ITFG2: variants seen among roughly 807,000 people sequenced by gnomAD.
ITFG2 encodes KICSTOR complex protein ITFG2.
Under a neutral mutation model 54.4 loss-of-function variants are expected in ITFG2, and 36 were observed. That is an observed-to-expected ratio of 0.66 (90% CI 0.51 to 0.87). ITFG2 has a LOEUF of 0.87. ITFG2 is among the 40% of genes least tolerant of loss of function. The pLI is 0.00. For synonymous variants in ITFG2, 211 were observed against 225.4 expected (o/e 0.94, Z 0.57); for missense variants, 524 against 576.7 (o/e 0.91, Z 0.94).
At chr12:2,815,700 G>T (rs1237345424) in intron 1 of ITFG2, among the ~76,000 whole-genome samples, 1 of 152,210 alleles carries the variant, frequency 6.6e-6, no homozygotes, top group Non-Finnish European at 1.5e-5. Flanking sequence ...AAGAGCCAAA[G>T]TCAGGCATGT....
At chr12:2,822,373 C>G (rs901199454) in intron 9 of ITFG2, among the ~76,000 whole-genome samples, 3 of 152,184 alleles carry the variant, frequency 2.0e-5, no homozygotes, top group Admixed American at 1.3e-4. Flanking sequence ...CTGTAAGAGC[C>G]TGGAAGTGTG....
chr12:2,842,890 A>T (rs2153927313), intron 2 of ITFG2, among the ~76,000 whole-genome samples: 1 of 152,152 alleles, frequency 6.6e-6, no homozygotes, highest in East Asian at 1.9e-4. Flanking sequence ...TGGTGGCTAT[A>T]TTCAAAGTTC....
At position 2,858,924 on chromosome 12, in the gene ITFG2, G is replaced by T. The variant is rs28919869; in HGVS notation, n.620+593G>T. The T allele has an allele frequency of 1.1e-4, 172 of 1,613,814 alleles. 1 individual carries two copies. The highest frequency in any genetic ancestry group is 3.9e-4 in the African/African-American group (29 of 75,018). On this transcript the variant is annotated intron_variant and non_coding_transcript_variant, in intron 3 of 3. Coordinates refer to the ITFG2 transcript ENST00000537710. ...GAGGAGCCTTTGCGGTGATTCAAGG[G>T]GGGGAGCACTTTGCAAGGGAGTGGT...
chr12:2,857,816 T>C, intron 2 of ITFG2: 1 of 152,368 alleles, frequency 6.6e-6, no homozygotes. Flanking sequence ...AGGGGCCCTT[T>C]CGGCCTTCTC....
At chr12:2,827,215 C>G, downstream of ITFG2, 1 of 1,614,154 alleles carries the variant, frequency 6.2e-7, no homozygotes, top group Non-Finnish European at 8.5e-7. The surrounding 1 kb of genome is among the most constrained non-coding windows in gnomAD (Gnocchi z 4.0). Context: ...AGTCACTGGC[C>G]AGGCTCTTGG....
At position 2,812,708 on chromosome 12, in the gene ITFG2, G is replaced by A; in HGVS notation, c.-53G>A. ...CCGCTCTGGCGGCTGTCGCGACGGGGGTTCAGGGAATATTTACTGGGCCTC... is the reference window on the plus strand; with the variant it reads ...CCGCTCTGGCGGCTGTCGCGACGGGAGTTCAGGGAATATTTACTGGGCCTC... On this transcript the variant is annotated 5_prime_UTR_variant, in exon 1 of 12. Coordinates refer to ENST00000228799, the MANE Select transcript of ITFG2 (RefSeq NM_018463.4). 6.6e-7 allele frequency: 1 copy of A among 1,508,366 alleles called. No individual in the cohort carries two copies. Among genetic ancestry groups the A allele is most frequent in the Non-Finnish European group, 9.2e-7 (1 of 1,087,240 alleles). The allele number at this position is 1,508,366 out of a possible 1,614,324, so 93.4% of individuals were successfully genotyped here.
chr12:2,827,427 T>C, downstream of ITFG2: 1 of 1,521,240 alleles, frequency 6.6e-7, no homozygotes, highest in Non-Finnish European at 8.8e-7. The surrounding 1 kb of genome is among the most constrained non-coding windows in gnomAD (Gnocchi z 4.0). Flanking sequence ...CATCCCCATT[T>C]CCCTAGACTC....
rs539608113 is a variant in ITFG2 at position 2,848,427 on chromosome 12, T to C, written n.300+7432T>C. 2.0e-5 allele frequency among the ~76,000 whole-genome samples: 3 copies of C among 152,318 alleles called. No individual in the cohort carries two copies. In the South Asian group the frequency reaches 6.2e-4, roughly 32 times the overall value. The stretch of plus-strand genomic sequence containing the variant: ...TTACCCCTGGTCTTTGACTCCCTGA[T>C]AGAAAAAGCTGAGGCCCAAGGCCTC... On this transcript the variant is annotated intron_variant and non_coding_transcript_variant, in intron 2 of 3. Transcript: ENST00000537710.
At chr12:2,859,694 A>G in exon 4 of ITFG2, 2 of 1,530,652 alleles carry the variant, frequency 1.3e-6, no homozygotes, top group Non-Finnish European at 1.8e-6. Flanking sequence ...AGGTGAACCA[A>G]CGGTCACCAG....
At chr12:2,828,208 T>G (rs2097979516), downstream of ITFG2, 2 of 1,161,080 alleles carry the variant, frequency 1.7e-6, no homozygotes, top group Non-Finnish European at 2.5e-6. Context: ...AGCCACTCTT[T>G]TGTTAAATAA....
At chr12:2,853,507 A>C (rs2098077737) in intron 2 of ITFG2, among the ~76,000 whole-genome samples, 1 of 152,102 alleles carries the variant, frequency 6.6e-6, no homozygotes, top group Non-Finnish European at 1.5e-5. Flanking sequence ...TCCTGACCTC[A>C]GGCGATCTGC....
upstream of ITFG2, chr12:2,834,810 C>T (rs758068573): frequency 1.7e-5 from 27 of 1,613,604 alleles, no homozygotes; most frequent in Non-Finnish European, 2.2e-5. Context: ...CCTCATCTCT[C>T]CTGGCCTCCT....
intron 2 of ITFG2, among the ~76,000 whole-genome samples, chr12:2,842,438 A>T (rs1488240543): frequency 1.6e-4 from 24 of 149,684 alleles, no homozygotes; most frequent in Admixed American, 6.7e-4. Flanking sequence ...CTTTTTTTTT[A>T]AAAAAAGTAA....
At chr12:2,848,726 G>C (rs1006189200) in intron 2 of ITFG2, among the ~76,000 whole-genome samples, 8 of 152,144 alleles carry the variant, frequency 5.3e-5, no homozygotes, top group Admixed American at 2.0e-4. Context: ...GTCCAGGGAG[G>C]GGGTGGCATT....
chr12:2,850,545 G>A (rs2098066796), intron 2 of ITFG2, among the ~76,000 whole-genome samples: 1 of 151,214 alleles, frequency 6.6e-6, no homozygotes, highest in Non-Finnish European at 1.5e-5. Context: ...TGTAAATGTT[G>A]TATTTCCTCA....
intron 2 of ITFG2, among the ~76,000 whole-genome samples, chr12:2,848,207 G>A (rs548312588): frequency 6.6e-5 from 10 of 152,296 alleles, no homozygotes; most frequent in African/African-American, 9.6e-5. Flanking sequence ...AAAGAAGGCC[G>A]TGGGCAGGAG....
chr12:2,843,767 C>T (rs375678458), intron 2 of ITFG2, among the ~76,000 whole-genome samples: 7 of 151,320 alleles, frequency 4.6e-5, no homozygotes, highest in Admixed American at 2.0e-4. Context: ...GAGCTGAGAT[C>T]GTGCCACTGC....
At chr12:2,858,811 G>A in intron 3 of ITFG2, 1 of 1,614,204 alleles carries the variant, frequency 6.2e-7, no homozygotes, top group Non-Finnish European at 8.5e-7. Context: ...GAAACCTGTG[G>A]CTCCGGGGAG....
chr12:2,822,445 A>G (rs1178135039), intron 9 of ITFG2, among the ~76,000 whole-genome samples: 1 of 152,186 alleles, frequency 6.6e-6, no homozygotes, highest in Non-Finnish European at 1.5e-5. Flanking sequence ...ATGAATCTCT[A>G]TTTAATATCA....
Sources: gnomAD v4.1 joint callset for allele counts (sites outside exome capture counted in the v4.1 genomes callset) on GRCh38, gnomAD v4.1.1 for gene constraint, Gnocchi (gnomAD v3.1) non-coding constraint, MANE v1.5 for transcripts, NCBI Gene and HGNC (gene_info 2026-07-23, HGNC 2026-07-21) for gene names.